The following FYB2 variants were observed in gnomAD, a reference collection of about 807,000 sequenced individuals.
The protein encoded by FYB2 is FYN-binding protein 2.
A neutral mutation model predicts 94.1 loss-of-function variants in FYB2; 103 were observed. The observed-to-expected ratio is 1.09, with a 90% confidence interval of 0.93 to 1.29. The LOEUF (loss-of-function observed/expected upper bound fraction) is 1.29. Ranked by LOEUF, FYB2 falls within the 50% of genes most tolerant of loss-of-function variation. FYB2 has a pLI of 0.00. For synonymous variants in FYB2, 293 were observed against 287.9 expected (o/e 1.02, Z -0.18); for missense variants, 896 against 841.5 (o/e 1.06, Z -0.80).
chr1:56,801,982 T>C (rs1220458603), intron 1 of FYB2, among the ~76,000 whole-genome samples: 5 of 152,252 alleles, frequency 3.3e-5, no homozygotes, highest in African/African-American at 1.2e-4. Context: ...GGGGCTGGAA[T>C]TGTCTATTAG....
At chr1:56,734,373 C>T (rs560879161) in intron 15 of FYB2, among the ~76,000 whole-genome samples, 26 of 152,168 alleles carry the variant, frequency 1.7e-4, no homozygotes, top group African/African-American at 6.3e-4. Context: ...TCCAATTTGC[C>T]AGTCTGTGTC....
At chr1:56,750,956 TA>T in intron 9 of FYB2, 87 bp downstream of exon 9, 1 of 1,446,168 alleles carries the variant, frequency 6.9e-7, no homozygotes, top group Non-Finnish European at 9.4e-7. Flanking sequence ...GTTCAATAAA[TA>T]TTGGTAAAAT....
chr1:56,816,987 G>C (rs946750521), intron 1 of FYB2, among the ~76,000 whole-genome samples: 1 of 151,312 alleles, frequency 6.6e-6, no homozygotes, highest in African/African-American at 2.4e-5. Flanking sequence ...AACCTCTCTT[G>C]CTTGGATTAC....
At chr1:56,792,848 A>T (rs747725587) in intron 1 of FYB2, 45 bp from the exon 2 acceptor site, 1 of 1,521,568 alleles carries the variant, frequency 6.6e-7, no homozygotes, top group South Asian at 1.2e-5. Flanking sequence ...ACAAAAACAA[A>T]CAAACAACAA....
At chr1:56,748,654 A>G (rs1454180120) in intron 9 of FYB2, among the ~76,000 whole-genome samples, 1 of 151,998 alleles carries the variant, frequency 6.6e-6, no homozygotes, top group East Asian at 1.9e-4. Context: ...AATTAATACC[A>G]TTACTCTCTT....
intron 19 of FYB2, 38 bp from the exon 20 acceptor site, chr1:56,719,730 T>G (rs747269122): frequency 1.3e-6 from 2 of 1,509,844 alleles, no homozygotes; most frequent in East Asian, 4.9e-5. Context: ...TTTTAAAATA[T>G]AGGACAATGA....
In FYB2 at chr1:56,789,059, G is replaced by A. The variant is rs148137359; in HGVS notation, c.833C>T (p.Pro278Leu). The A allele has an allele frequency of 2.7e-4, 431 of 1,613,928 alleles. 7 individuals carry two copies. The South Asian group carries it at 4.5e-3, about 17-fold the overall frequency. ...GGGAGGTCTTGAAGGCTTTGGGGGA[G>A]GAGGACCCAGGGAGTCGATGGAGGG... Reference protein sequence around the residue: ...PLPSIDSLGPPPPKPSRPPIV... With the variant: ...PLPSIDSLGPLPPKPSRPPIV... Residue 278 changes from proline (P) to leucine (L), a missense_variant, in exon 3 of 20, where the codon CCT (proline) becomes CTT (leucine). Pro to Leu is a moderately conservative substitution (Grantham distance 98). Coordinates refer to ENST00000343433, the MANE Select transcript of FYB2 (RefSeq NM_001004303.5).
chr1:56,814,978 T>C (rs1333402148), intron 1 of FYB2, among the ~76,000 whole-genome samples: 1 of 152,102 alleles, frequency 6.6e-6, no homozygotes, highest in Non-Finnish European at 1.5e-5. Context: ...AAGACCTCAG[T>C]GATATTTAGT....
At chr1:56,748,940 T>C (rs143299988) in intron 9 of FYB2, among the ~76,000 whole-genome samples, 43 of 152,116 alleles carry the variant, frequency 2.8e-4, no homozygotes, top group African/African-American at 1.0e-3. Context: ...TTATTTTTCT[T>C]TCATTTGTGA....
intron 9 of FYB2, among the ~76,000 whole-genome samples, chr1:56,750,473 A>G (rs748402481): frequency 6.6e-6 from 1 of 151,952 alleles, no homozygotes; most frequent in Non-Finnish European, 1.5e-5. Flanking sequence ...GGATCCAACC[A>G]TGGCTAGACT....
chr1:56,744,415 G>T, intron 9 of FYB2, 149 bp from the exon 10 acceptor site: 1 of 619,194 alleles, frequency 1.6e-6, no homozygotes, highest in Non-Finnish European at 2.9e-6. Context: ...TATGATCCTT[G>T]GGCAAGCCAC....
At chr1:56,784,026 G>C (rs1399360623) in intron 4 of FYB2, among the ~76,000 whole-genome samples, 1 of 152,152 alleles carries the variant, frequency 6.6e-6, no homozygotes, top group Non-Finnish European at 1.5e-5. Flanking sequence ...ACTAGTATGA[G>C]TTAGGTAATA....
chr1:56,775,934 G>A (rs1473737598), intron 4 of FYB2, among the ~76,000 whole-genome samples: 1 of 152,182 alleles, frequency 6.6e-6, no homozygotes, highest in African/African-American at 2.4e-5. Flanking sequence ...CTATATTCAT[G>A]TTAATTTTAT....
intron 1 of FYB2, among the ~76,000 whole-genome samples, chr1:56,805,980 T>C (rs1409531879): frequency 6.6e-6 from 1 of 152,214 alleles, no homozygotes; most frequent in Non-Finnish European, 1.5e-5. Context: ...AATACATCTG[T>C]GGTGTTTTAA....
rs1644587639 is a variant in FYB2 at position 56,726,576 on chromosome 1, C to T, written c.1801G>A (p.Asp601Asn). ...TTGGGCTTCCACATTTTCAGTTTATCTTCATCTCTGAGGAGAAATATATTT... is the reference window on the plus strand; with the variant it reads ...TTGGGCTTCCACATTTTCAGTTTATTTTCATCTCTGAGGAGAAATATATTT... The part of the protein sequence containing the change: ...DLSEKESKDE[D>N]KLKMWKPKFL... Residue 601 changes from aspartate to asparagine, a missense_variant, in exon 16 of 20, where the codon GAT (aspartate) becomes AAT (asparagine). Asp to Asn is a conservative substitution (Grantham distance 23). Coordinates refer to ENST00000343433, the MANE Select transcript of FYB2 (RefSeq NM_001004303.5). 1.2e-6 allele frequency: 2 copies of T among 1,609,626 alleles called. No individual in the cohort carries two copies. Among genetic ancestry groups the T allele is most frequent in the Non-Finnish European group, 1.7e-6 (2 of 1,177,382 alleles).
At chr1:56,751,271 TAC>T (rs1645192193) in intron 8 of FYB2, 68 bp from the exon 9 acceptor site, 1 of 1,457,046 alleles carries the variant, frequency 6.9e-7, no homozygotes, top group African/African-American at 1.4e-5. Flanking sequence ...TGCTTACTTG[TAC>T]AGTTTTTCAT....
At chr1:56,814,226 A>G (rs1646829995) in intron 1 of FYB2, among the ~76,000 whole-genome samples, 1 of 152,208 alleles carries the variant, frequency 6.6e-6, no homozygotes, top group African/African-American at 2.4e-5. Flanking sequence ...CTCGAGTTAG[A>G]GTATACAGGG....
chr1:56,746,626 GT>G (rs892579533), intron 9 of FYB2, among the ~76,000 whole-genome samples: 1 of 151,694 alleles, frequency 6.6e-6, no homozygotes, highest in African/African-American at 2.4e-5. Flanking sequence ...GTTGCAAATA[GT>G]TTTTTTTGCT....
At chr1:56,756,180 T>A (rs1355846674) in intron 6 of FYB2, among the ~76,000 whole-genome samples, 4 of 152,038 alleles carry the variant, frequency 2.6e-5, no homozygotes, top group Non-Finnish European at 5.9e-5. Flanking sequence ...CTCAGAAAAA[T>A]TGTTGTATGC....
Sources: gnomAD v4.1 joint callset for allele counts (sites outside exome capture counted in the v4.1 genomes callset) on GRCh38, gnomAD v4.1.1 for gene constraint, MANE v1.5 for transcripts, NCBI Gene and HGNC (gene_info 2026-07-23, HGNC 2026-07-21) for gene names.